The following RMDN2 variants were observed in gnomAD, a reference collection of about 807,000 sequenced individuals.
RMDN2 encodes regulator of microtubule dynamics protein 2.
In RMDN2, 61 loss-of-function variants were observed where a neutral mutation model predicts 52.8. The ratio of observed to expected loss-of-function variants is 1.16; its 90% CI spans 0.94 to 1.43. The LOEUF (loss-of-function observed/expected upper bound fraction) is 1.43. RMDN2 is among the 40% of genes most tolerant of loss of function. The pLI is 0.00. For missense variants in RMDN2, 592 were observed against 475.3 expected (o/e 1.25, Z -2.28); for synonymous variants, 180 against 153.1 (o/e 1.18, Z -1.30).
At chr2:37,962,492 G>A (rs1670378136) in intron 2 of RMDN2, among the ~76,000 whole-genome samples, 1 of 152,156 alleles carries the variant, frequency 6.6e-6, no homozygotes, top group Non-Finnish European at 1.5e-5. Context: ...TTTACACTGT[G>A]TGGGGAAAAC....
At chr2:37,991,569 A>T (rs148827360) in intron 7 of RMDN2, among the ~76,000 whole-genome samples, 2 of 152,150 alleles carry the variant, frequency 1.3e-5, no homozygotes, top group Non-Finnish European at 2.9e-5. Context: ...GCCACATTTT[A>T]TATATATGTG....
At chr2:37,996,513 G>T (rs770409814) in intron 7 of RMDN2, among the ~76,000 whole-genome samples, 30 of 151,524 alleles carry the variant, frequency 2.0e-4, no homozygotes, top group Non-Finnish European at 3.5e-4. Flanking sequence ...GAGCCCAGGA[G>T]GTCGAGGCTG....
intron 7 of RMDN2, 24 bp downstream of exon 7, chr2:37,991,321 A>G (rs895750917): frequency 2.4e-6 from 3 of 1,242,898 alleles, no homozygotes; most frequent in Non-Finnish European, 3.3e-6. Context: ...CTTTATTTAT[A>G]AACTTTATTT....
chr2:38,013,795 T>G (rs1211113435), intron 10 of RMDN2, among the ~76,000 whole-genome samples: 1 of 152,234 alleles, frequency 6.6e-6, no homozygotes, highest in Non-Finnish European at 1.5e-5. Flanking sequence ...CCTGTAATGT[T>G]GTCTCATTTG....
In RMDN2 at chr2:37,975,235, G is replaced by A. The variant is rs753441392; in HGVS notation, c.651G>A (p.Met217Ile). Residue 217 changes from methionine to isoleucine, a missense_variant, in exon 4 of 11, where the codon ATG becomes ATA. By Grantham distance (10) the Met-to-Ile change is conservative (BLOSUM62 1). Transcript: ENST00000354545. The part of the protein sequence containing the change: ...KEKFRDEIEF[M>I]WRFARAYGDM... ...AGTTTAGAGATGAAATAGAGTTTAT[G>A]TGGCGATTTGCTCGTGCTTATGGAG... 4 of 1,607,246 alleles carry A rather than the reference G, an allele frequency of 2.5e-6. No individual in the cohort carries two copies. Among genetic ancestry groups the A allele is most frequent in the African/African-American group, 2.7e-5 (2 of 74,808 alleles).
At chr2:37,935,581 C>G (rs1282983543) in intron 2 of RMDN2, among the ~76,000 whole-genome samples, 8 of 152,196 alleles carry the variant, frequency 5.3e-5, no homozygotes, top group Non-Finnish European at 1.2e-4. Context: ...CCTCTCTACT[C>G]CTTTCTGTCA....
At chr2:38,039,047 TACACACACACACACACAC>T (rs71414270) in intron 10 of RMDN2, among the ~76,000 whole-genome samples, 42 of 127,376 alleles carry the variant, frequency 3.3e-4, no homozygotes, top group Non-Finnish European at 5.1e-4. Flanking sequence ...CCAGATGCTA[TACACACACACACACACAC>T]ACACACACAC....
rs1050833878 is a variant in RMDN2, at chr2:38,016,929, G to T, written c.1180-257G>T. Among the ~76,000 whole-genome samples the T allele has an allele frequency of 2.0e-5, 3 of 151,596 alleles. No homozygotes were observed. The South Asian group carries it at 6.2e-4, about 32-fold the overall frequency. Reference sequence around the variant, plus strand: ...AGAGCGACACTCCAGGACATGTGAGGATTAATGCTGTATAAAACACTCACT... The same window carrying T: ...AGAGCGACACTCCAGGACATGTGAGTATTAATGCTGTATAAAACACTCACT... On this transcript the variant is annotated intron_variant, in intron 10 of 10. Coordinates refer to ENST00000354545, the MANE Select transcript of RMDN2 (RefSeq NM_001170791.3).
chr2:38,026,407 T>C (rs1050483949), intron 10 of RMDN2, among the ~76,000 whole-genome samples: 1 of 152,146 alleles, frequency 6.6e-6, no homozygotes, highest in South Asian at 2.1e-4. Context: ...TGGAAGTTTA[T>C]CAATGTTGCT....
intron 10 of RMDN2, among the ~76,000 whole-genome samples, chr2:38,036,985 A>C (rs1325940391): frequency 6.6e-6 from 1 of 152,184 alleles, no homozygotes; most frequent in Non-Finnish European, 1.5e-5. Context: ...AGCAAAGAAC[A>C]TGGGAAAATG....
chr2:37,986,316 A>AT (rs1204895405), intron 5 of RMDN2, among the ~76,000 whole-genome samples: 2 of 152,172 alleles, frequency 1.3e-5, no homozygotes, highest in Non-Finnish European at 2.9e-5. Flanking sequence ...ATAATTTATA[A>AT]TTTTCCAAAA....
intron 2 of RMDN2, among the ~76,000 whole-genome samples, chr2:37,964,398 CAA>C (rs1364525936): frequency 2.6e-5 from 4 of 152,336 alleles, no homozygotes; most frequent in Middle Eastern, 6.8e-3. Context: ...TCATTTGACT[CAA>C]GATGTTTTCT....
intron 2 of RMDN2, among the ~76,000 whole-genome samples, chr2:37,933,367 G>T (rs1171678449): frequency 6.6e-5 from 10 of 152,320 alleles, no homozygotes; most frequent in African/African-American, 2.4e-4. Context: ...TCCCAGACGG[G>T]GTGGCGGCTG....
intron 2 of RMDN2, among the ~76,000 whole-genome samples, chr2:37,938,840 A>G (rs1667539636): frequency 6.6e-6 from 1 of 152,106 alleles, no homozygotes; most frequent in South Asian, 2.1e-4. Flanking sequence ...ATCTTTTCAA[A>G]ACACCAGCTC....
chr2:37,973,124 G>C (rs908018555), intron 2 of RMDN2, among the ~76,000 whole-genome samples: 1 of 151,940 alleles, frequency 6.6e-6, no homozygotes, highest in Non-Finnish European at 1.5e-5. Context: ...ATTCACATTT[G>C]GCCTTTGTCT....
chr2:38,058,232 C>A (rs1681915497), intron 10 of RMDN2, among the ~76,000 whole-genome samples: 1 of 152,134 alleles, frequency 6.6e-6, no homozygotes, highest in Admixed American at 6.5e-5. Context: ...TGTGAGTCAG[C>A]CCTGTGGGCT....
chr2:37,982,912 C>G (rs1405016435), intron 5 of RMDN2, among the ~76,000 whole-genome samples: 1 of 151,976 alleles, frequency 6.6e-6, no homozygotes, highest in Non-Finnish European at 1.5e-5. Flanking sequence ...TGATCAAGCC[C>G]TACTCTCTCT....
intron 2 of RMDN2, among the ~76,000 whole-genome samples, chr2:37,970,186 T>A (rs547778277): frequency 7.9e-5 from 12 of 152,160 alleles, no homozygotes; most frequent in African/African-American, 2.9e-4. Context: ...TCCTGCCTCC[T>A]GAAGTGCTGG....
chr2:38,032,948 G>C (rs376654336), intron 10 of RMDN2: 3 of 152,166 alleles, frequency 2.0e-5, no homozygotes, highest in African/African-American at 7.2e-5. Flanking sequence ...GCATTGTTGT[G>C]TCACACAGTA....
Sources: allele counts gnomAD v4.1 joint callset (sites outside exome capture counted in the v4.1 genomes callset), GRCh38; gene constraint gnomAD v4.1.1; transcripts MANE v1.5; gene names NCBI Gene and HGNC (gene_info 2026-07-23, HGNC 2026-07-21).